The following ARHGEF28 variants were observed in gnomAD, a reference collection of about 807,000 sequenced individuals.
ARHGEF28 encodes the protein 190 kDa guanine nucleotide exchange factor.
A neutral mutation model predicts 206.6 loss-of-function variants in ARHGEF28; 152 were observed. The ratio of observed to expected loss-of-function variants is 0.74; its 90% confidence interval spans 0.64 to 0.84. The LOEUF (loss-of-function observed/expected upper bound fraction) is 0.84, where lower values mean the gene tolerates loss of function less well. Among genes scored for constraint, ARHGEF28 ranks in the 40% least tolerant of loss-of-function variants. The pLI is 0.00. For missense variants in ARHGEF28, 2,028 were observed against 2,073.2 expected (o/e 0.98, Z 0.42); for synonymous variants, 763 against 776.4 (o/e 0.98, Z 0.29).
intron 2 of ARHGEF28, among the ~76,000 whole-genome samples, chr5:73,693,038 T>A (rs548910779): frequency 6.6e-6 from 1 of 152,338 alleles, no homozygotes; most frequent in Admixed American, 6.5e-5. Flanking sequence ...AGGAGATTAG[T>A]CTCCAAGAGG....
intron 2 of ARHGEF28, among the ~76,000 whole-genome samples, chr5:73,743,746 A>G (rs1199231604): frequency 2.0e-5 from 3 of 152,216 alleles, no homozygotes; most frequent in African/African-American, 7.2e-5. Flanking sequence ...AGACTCCCCA[A>G]ATAAATGCCC....
Position 73,628,450 on chromosome 5 carries a change from C to T in ARHGEF28, c.-12+2128C>T, listed in dbSNP as rs76899180. ...CCACTTGGGCATGGCTAGGATGGTA[C>T]TGAACAGAGCCTAAATTACCTAGGC... is the stretch of plus-strand genomic sequence containing the variant. On this transcript the variant is annotated intron_variant, in intron 1 of 35. Transcript: ENST00000513042. 5.4e-3 allele frequency among the ~76,000 whole-genome samples: 823 copies of T among 152,250 alleles called. 8 individuals are homozygous for T. Among genetic ancestry groups the T allele is most frequent in the African/African-American group, 0.019 (791 of 41,550 alleles).
chr5:73,787,450 C>A (rs777896597), intron 7 of ARHGEF28, among the ~76,000 whole-genome samples: 2 of 152,120 alleles, frequency 1.3e-5, no homozygotes, highest in Non-Finnish European at 2.9e-5. Flanking sequence ...AGGTTTGTTA[C>A]ATAGGTATAC....
intron 4 of ARHGEF28, among the ~76,000 whole-genome samples, chr5:73,757,935 T>C (rs1484408169): frequency 6.6e-6 from 1 of 152,248 alleles, no homozygotes; most frequent in African/African-American, 2.4e-5. Flanking sequence ...CTCAGAGATT[T>C]GTATAATTTT....
intron 2 of ARHGEF28, among the ~76,000 whole-genome samples, chr5:73,705,581 A>G (rs1748881901): frequency 1.3e-5 from 2 of 150,362 alleles, no homozygotes; most frequent in South Asian, 4.2e-4. Context: ...AATTAAGACC[A>G]CCTGGTGGCC....
At chr5:73,831,713 C>T (rs548597718) in intron 9 of ARHGEF28, among the ~76,000 whole-genome samples, 15 of 152,316 alleles carry the variant, frequency 9.8e-5, no homozygotes, top group East Asian at 3.9e-4. Flanking sequence ...TGTTTTGAGA[C>T]GGAGTTTCAC....
rs1762234097 is a variant in ARHGEF28 at position 73,900,997 on chromosome 5, A to G, written c.3974-187A>G. 6 of 515,586 alleles carry G rather than the reference A, an allele frequency of 1.2e-5. No individual in the cohort carries two copies. In the Admixed American group the frequency reaches 1.6e-4, roughly 14 times the overall value. 31.9% of individuals were successfully genotyped at this position (515,586 alleles called of 1,614,324 possible). On this transcript the variant is annotated intron_variant, in intron 30 of 35. Coordinates refer to ENST00000513042, the MANE Select transcript of ARHGEF28 (RefSeq NM_001177693.2). ...TGCTGTCTGTTAGCGTGTAAGCCCC[A>G]TGTGGGCAGGGACCACATGCATTGC...
intron 9 of ARHGEF28, among the ~76,000 whole-genome samples, chr5:73,820,623 A>G (rs1045228794): frequency 2.0e-5 from 3 of 151,988 alleles, no homozygotes; most frequent in Non-Finnish European, 4.4e-5. Flanking sequence ...CCTGGCTCTT[A>G]CCCTACAGAA....
At chr5:73,626,568 G>A (rs1743023476) in intron 1 of ARHGEF28, among the ~76,000 whole-genome samples, 1 of 152,130 alleles carries the variant, frequency 6.6e-6, no homozygotes, top group South Asian at 2.1e-4. Flanking sequence ...CGGCAGCTGC[G>A]GAGCGCGGGG....
intron 9 of ARHGEF28, 93 bp downstream of exon 9, chr5:73,795,484 T>G (rs1216154658): frequency 9.1e-7 from 1 of 1,104,108 alleles, no homozygotes; most frequent in Non-Finnish European, 1.3e-6. Flanking sequence ...CATAAAATAT[T>G]CCTTCCTGGT....
intron 12 of ARHGEF28, among the ~76,000 whole-genome samples, chr5:73,847,367 C>T (rs549990319): frequency 3.9e-5 from 6 of 152,178 alleles, no homozygotes; most frequent in African/African-American, 1.4e-4. Flanking sequence ...AGATGAGATT[C>T]TGGAAGGGTT....
At chr5:73,813,704 G>C (rs150518300) in intron 9 of ARHGEF28, 5 of 1,524,754 alleles carry the variant, frequency 3.3e-6, no homozygotes, top group Non-Finnish European at 4.4e-6. Context: ...TTTCCTTCAC[G>C]GGCAAAACCA....
At chr5:73,641,393 C>A (rs1580430525) in intron 1 of ARHGEF28, among the ~76,000 whole-genome samples, 1 of 143,570 alleles carries the variant, frequency 7.0e-6, no homozygotes, top group Non-Finnish European at 1.5e-5. Context: ...AAAATAATGG[C>A]AGGGGAAAGG....
intron 2 of ARHGEF28, among the ~76,000 whole-genome samples, chr5:73,706,326 A>G (rs1389387814): frequency 1.3e-5 from 2 of 152,238 alleles, no homozygotes; most frequent in Non-Finnish European, 2.9e-5. Flanking sequence ...CCTGGGCGAC[A>G]GAGCAAGACT....
intron 26 of ARHGEF28, 113 bp from the exon 27 acceptor site, chr5:73,891,939 T>C (rs761841403): frequency 5.4e-5 from 49 of 915,444 alleles, no homozygotes; most frequent in Admixed American, 2.6e-4. Flanking sequence ...TTTGAAAAGA[T>C]TGGAAGTGGA....
intron 3 of ARHGEF28, among the ~76,000 whole-genome samples, chr5:73,750,504 C>T (rs1751968330): frequency 6.6e-6 from 1 of 152,000 alleles, no homozygotes; most frequent in South Asian, 2.1e-4. Flanking sequence ...TGGGGGATCT[C>T]CAGCTCCAGA....
In ARHGEF28 at chr5:73,749,737, A is replaced by T. The variant is rs371106377; in HGVS notation, c.34-100A>T. 6.3e-5 allele frequency: 84 copies of T among 1,332,294 alleles called. No individual in the cohort carries two copies. In the African/African-American group the frequency reaches 1.1e-3, roughly 17 times the overall value. The allele number at this position is 1,332,294 out of a possible 1,614,324, so 82.5% of individuals were successfully genotyped here. A position where few individuals can be genotyped will look rare whatever the true frequency, so the allele number is the denominator to read the frequency against. ...TTGAACTCAACCACATGAAGTGAAC[A>T]TAACAAATGACACTGTTATGGACCC... On this transcript the variant is annotated intron_variant, in intron 2 of 35. Transcript: ENST00000513042.
intron 2 of ARHGEF28, among the ~76,000 whole-genome samples, chr5:73,722,211 G>GGAGA (rs59548930): frequency 0.26 from 40,260 of 151,998 alleles, 6,167 homozygotes; most frequent in African/African-American, 0.41. Context: ...CCGAAGGAAG[G>GGAGA]GAGGGAAAGA....
intron 4 of ARHGEF28, among the ~76,000 whole-genome samples, chr5:73,758,940 T>G (rs1254678422): frequency 2.6e-5 from 4 of 152,246 alleles, no homozygotes; most frequent in Non-Finnish European, 5.9e-5. Flanking sequence ...GAGTTAAGCT[T>G]TTCTCCTGCC....
Sources: allele counts gnomAD v4.1 joint callset (sites outside exome capture counted in the v4.1 genomes callset), GRCh38; gene constraint gnomAD v4.1.1; transcripts MANE v1.5; gene names NCBI Gene and HGNC (gene_info 2026-07-23, HGNC 2026-07-21).